The following PCDH15 variants were observed in gnomAD, a reference collection of about 807,000 sequenced individuals.
PCDH15 encodes protocadherin related 15, also known as protocadherin-15.
A neutral mutation model predicts 178.5 loss-of-function variants in PCDH15; 129 were observed. The observed-to-expected ratio is 0.72, with a 90% CI of 0.63 to 0.84. The LOEUF is 0.84. Ranked by LOEUF, PCDH15 falls within the 40% of genes least tolerant of loss-of-function variation. PCDH15 has a pLI of 0.00. For missense variants in PCDH15, 2,230 were observed against 2,099.9 expected (o/e 1.06, Z -1.21); for synonymous variants, 800 against 732.0 (o/e 1.09, Z -1.50).
chr10:55,156,343 A>G (rs537881190), intron 2 of PCDH15, among the ~76,000 whole-genome samples: 1 of 152,252 alleles, frequency 6.6e-6, no homozygotes, highest in African/African-American at 2.4e-5. Context: ...GGAGGATATT[A>G]CATGTACTGA....
intron 2 of PCDH15, among the ~76,000 whole-genome samples, chr10:54,900,251 T>C (rs1954617671): frequency 6.6e-6 from 1 of 152,122 alleles, no homozygotes; most frequent in South Asian, 2.1e-4. Flanking sequence ...ATAAACAATG[T>C]GCAACACAAA....
intron 2 of PCDH15, among the ~76,000 whole-genome samples, chr10:55,458,362 G>A (rs1007405162): frequency 6.6e-6 from 1 of 152,026 alleles, no homozygotes; most frequent in African/African-American, 2.4e-5. Context: ...CAGTGAAAGA[G>A]TTAACCCAGA....
chr10:53,937,330 C>T (rs1374538288), intron 25 of PCDH15, among the ~76,000 whole-genome samples: 3 of 152,082 alleles, frequency 2.0e-5, no homozygotes, highest in East Asian at 1.9e-4. Context: ...AGTGCAGGTA[C>T]ACTTTTCAAT....
intron 2 of PCDH15, among the ~76,000 whole-genome samples, chr10:55,334,341 C>G (rs1180005022): frequency 7.1e-6 from 1 of 141,688 alleles, no homozygotes; most frequent in African/African-American, 2.7e-5. Context: ...GAGTTTCGCT[C>G]TTGTTGCCCA....
chr10:54,057,700 T>C (rs1460134077), intron 18 of PCDH15, among the ~76,000 whole-genome samples: 1 of 152,202 alleles, frequency 6.6e-6, no homozygotes, highest in African/African-American at 2.4e-5. Context: ...TGGCTCCTCC[T>C]TACTTATGCA....
chr10:53,961,627 T>A (rs1056157899), intron 22 of PCDH15, 125 bp downstream of exon 22: 15 of 635,820 alleles, frequency 2.4e-5, no homozygotes, highest in South Asian at 4.2e-5. Flanking sequence ...GAAAAAAAAA[T>A]TGTAATTTAA....
chr10:55,622,778 A>C (rs529722083), intron 2 of PCDH15, among the ~76,000 whole-genome samples: 3 of 152,290 alleles, frequency 2.0e-5, no homozygotes, highest in African/African-American at 7.2e-5. Flanking sequence ...TGGCAAAAGA[A>C]AAACCTCCAG....
intron 3 of PCDH15, among the ~76,000 whole-genome samples, chr10:54,466,912 A>G (rs928026887): frequency 6.6e-6 from 1 of 151,806 alleles, no homozygotes; most frequent in African/African-American, 2.4e-5. Context: ...ATTTTATTGT[A>G]GCTGTTGTAA....
chr10:54,252,166 T>G (rs533858382), intron 8 of PCDH15, among the ~76,000 whole-genome samples: 1 of 152,172 alleles, frequency 6.6e-6, no homozygotes, highest in African/African-American at 2.4e-5. Context: ...ACTGCTGCTT[T>G]CTTACACTAG....
intron 2 of PCDH15, among the ~76,000 whole-genome samples, chr10:55,136,198 T>C (rs1267392803): frequency 6.6e-6 from 1 of 152,138 alleles, no homozygotes. Context: ...AGATTCACCA[T>C]GCTGTAAATT....
chr10:54,090,643 CA>C (rs34617225), intron 15 of PCDH15, among the ~76,000 whole-genome samples: 84,042 of 117,974 alleles, frequency 0.71, 28,211 homozygotes, highest in Middle Eastern at 0.77. Flanking sequence ...GATCTTGTCT[CA>C]AAAAAAAAAA....
intron 3 of PCDH15, among the ~76,000 whole-genome samples, chr10:54,894,837 A>C (rs1303981993): frequency 6.6e-6 from 1 of 152,196 alleles, no homozygotes; most frequent in Non-Finnish European, 1.5e-5. Context: ...TAAATATTCT[A>C]AAACACTCTG....
intron 3 of PCDH15, among the ~76,000 whole-genome samples, chr10:54,517,047 G>C (rs1188291060): frequency 6.6e-6 from 1 of 152,056 alleles, no homozygotes; most frequent in African/African-American, 2.4e-5. Flanking sequence ...CCCCAAAAGA[G>C]CTCCTGAAGG....
At chr10:54,999,522 A>G (rs1839742622) in intron 2 of PCDH15, among the ~76,000 whole-genome samples, 1 of 152,192 alleles carries the variant, frequency 6.6e-6, no homozygotes, top group African/African-American at 2.4e-5. Flanking sequence ...CTTGTTCTTA[A>G]GATAATTATG....
rs759092602 is a variant in PCDH15 at position 54,079,418 on chromosome 10, C to G, written c.2004G>C (p.Gly668=). 1 of 1,613,878 alleles carries G rather than the reference C, an allele frequency of 6.2e-7. No homozygotes were observed. The highest frequency in any genetic ancestry group is 8.5e-7 in the Non-Finnish European group (1 of 1,179,790). ...QRVFNLSETT[G]ILTLGKALDR... is the part of the protein sequence containing the mutation. The stretch of plus-strand genomic sequence containing the variant: ...CCAGTGCTTTCCCTAAGGTTAGAAT[C>G]CCCGTGCTAGTGACAAAACAAACAA... The change falls in exon 17 of 38, where the codon GGG becomes GGC. Residue 668 remains glycine (G), a synonymous_variant. Transcript: ENST00000644397.
At chr10:54,360,100 C>T (rs531638438) in intron 5 of PCDH15, among the ~76,000 whole-genome samples, 28 of 152,134 alleles carry the variant, frequency 1.8e-4, no homozygotes, top group Admixed American at 1.8e-3. Flanking sequence ...GTTACATTTG[C>T]CCTGTCTGAG....
chr10:55,272,631 C>T (rs1467763017), intron 1 of PCDH15, among the ~76,000 whole-genome samples: 1 of 151,922 alleles, frequency 6.6e-6, no homozygotes, highest in Admixed American at 6.6e-5. Context: ...AATCTGCCCG[C>T]CCACCTCGGC....
intron 17 of PCDH15, among the ~76,000 whole-genome samples, chr10:54,078,098 T>C (rs1297063681): frequency 6.6e-6 from 1 of 152,096 alleles, no homozygotes; most frequent in Non-Finnish European, 1.5e-5. Flanking sequence ...GGATTGCTTA[T>C]ATAAAAATTA....
intron 2 of PCDH15, among the ~76,000 whole-genome samples, chr10:54,584,770 C>CA (rs1165597872): frequency 2.0e-5 from 3 of 151,990 alleles, no homozygotes; most frequent in Admixed American, 1.3e-4. Context: ...TTGGCTGGAC[C>CA]ACTGAAATCA....
Sources: gnomAD v4.1 joint callset for allele counts (sites outside exome capture counted in the v4.1 genomes callset) on GRCh38, gnomAD v4.1.1 for gene constraint, MANE v1.5 for transcripts, NCBI Gene and HGNC (gene_info 2026-07-23, HGNC 2026-07-21) for gene names.